The following WWOX variants were observed in gnomAD, a reference collection of about 807,000 sequenced individuals.
WWOX encodes WW domain containing oxidoreductase.
In WWOX, 69 loss-of-function variants were observed where a neutral mutation model predicts 46.2. That is an observed-to-expected ratio of 1.49 (90% CI 1.23 to 1.82). WWOX has a LOEUF of 1.82. Ranked by LOEUF, WWOX falls within the 40% of genes most tolerant of loss-of-function variation. The pLI is 0.00. For synonymous variants in WWOX, 359 were observed against 202.6 expected, an observed-to-expected ratio of 1.77 and a Z score of -6.56; for missense variants, 919 against 542.6, an observed-to-expected ratio of 1.69 and a Z score of -6.89.
intron 8 of WWOX, among the ~76,000 whole-genome samples, chr16:79,176,875 T>C (rs2050810310): frequency 6.6e-6 from 1 of 152,192 alleles, no homozygotes; most frequent in African/African-American, 2.4e-5. Flanking sequence ...CATCCATTTA[T>C]TTCCCCACTG....
At chr16:78,587,974 T>C (rs1445496637) in intron 8 of WWOX, among the ~76,000 whole-genome samples, 2 of 152,196 alleles carry the variant, frequency 1.3e-5, no homozygotes, top group African/African-American at 4.8e-5. Context: ...CTTCACCTGG[T>C]CTTTTGTAGT....
chr16:78,593,805 G>C (rs1277066537), intron 8 of WWOX, among the ~76,000 whole-genome samples: 2 of 152,094 alleles, frequency 1.3e-5, no homozygotes, highest in Non-Finnish European at 2.9e-5. Context: ...AACAAAGATA[G>C]AGCTAGCATG....
chr16:78,754,591 C>T (rs1448981158), intron 8 of WWOX, among the ~76,000 whole-genome samples: 1 of 151,976 alleles, frequency 6.6e-6, no homozygotes, highest in Non-Finnish European at 1.5e-5. Context: ...ATTTATCAAC[C>T]AGTTGCAGTC....
chr16:78,441,953 C>A (rs192459590), intron 8 of WWOX, among the ~76,000 whole-genome samples: 3 of 143,004 alleles, frequency 2.1e-5, no homozygotes, highest in Non-Finnish European at 4.5e-5. Context: ...TTCATATATG[C>A]GCATGAGTGT....
Position 78,423,130 on chromosome 16 carries a change from C to T in WWOX, c.606-1740C>T, listed in dbSNP as rs2082991120. On this transcript the variant is annotated intron_variant, in intron 6 of 8. Coordinates refer to ENST00000566780, the MANE Select transcript of WWOX (RefSeq NM_016373.4). ...TTGAACTTCTGACCTCGTGATTTGC[C>T]TGCCTCAGCCTCCCAAAGTGCTGAG... 2.0e-5 allele frequency among the ~76,000 whole-genome samples: 3 copies of T among 152,206 alleles called. No homozygotes were observed. The South Asian group carries it at 6.2e-4, about 32-fold the overall frequency.
chr16:79,169,431 A>C (rs548408550), intron 8 of WWOX, among the ~76,000 whole-genome samples: 102 of 152,334 alleles, frequency 6.7e-4, no homozygotes, highest in African/African-American at 2.4e-3. Context: ...GCTTCCCTGC[A>C]GCTGCAGAGG....
At chr16:78,721,215 T>C (rs1277707760) in intron 8 of WWOX, among the ~76,000 whole-genome samples, 3 of 150,774 alleles carry the variant, frequency 2.0e-5, no homozygotes, top group African/African-American at 7.4e-5. Context: ...TTCTACAGTA[T>C]CTTTAATTGA....
intron 5 of WWOX, among the ~76,000 whole-genome samples, chr16:78,384,310 G>C (rs773075431): frequency 2.2e-4 from 33 of 152,270 alleles, no homozygotes; most frequent in Non-Finnish European, 4.4e-4. Context: ...AAACGAGGCA[G>C]GGACCAGAGG....
chr16:78,692,778 G>C (rs960258966), intron 8 of WWOX, among the ~76,000 whole-genome samples: 29 of 152,180 alleles, frequency 1.9e-4, no homozygotes, highest in Non-Finnish European at 4.3e-4. Context: ...TTCCCTGTTG[G>C]GGGTACTGAT....
At chr16:78,153,779 A>G (rs1424955815) in intron 4 of WWOX, among the ~76,000 whole-genome samples, 2 of 152,240 alleles carry the variant, frequency 1.3e-5, no homozygotes, top group African/African-American at 4.8e-5. Flanking sequence ...AATGATAATT[A>G]AAACCATAAT....
chr16:78,943,060 T>A (rs2151294073), intron 8 of WWOX, among the ~76,000 whole-genome samples: 1 of 152,292 alleles, frequency 6.6e-6, no homozygotes, highest in East Asian at 1.9e-4. Flanking sequence ...CCTGTTTTGT[T>A]AAATAAGGGC....
intron 8 of WWOX, among the ~76,000 whole-genome samples, chr16:78,903,697 A>C (rs1278134112): frequency 1.3e-5 from 2 of 152,128 alleles, no homozygotes; most frequent in East Asian, 3.9e-4. Context: ...AAGCACCTGG[A>C]CACTTCGCTC....
chr16:78,802,432 C>T (rs77594367), intron 8 of WWOX, among the ~76,000 whole-genome samples: 19,452 of 151,896 alleles, frequency 0.13, 1,567 homozygotes, highest in Non-Finnish European at 0.18. Context: ...TTTAAATAAA[C>T]AGTTGTTTAT....
chr16:78,989,697 C>T lies in WWOX; in HGVS notation c.1057-221911C>T, dbSNP rs925161252. 4.0e-5 allele frequency among the ~76,000 whole-genome samples: 6 copies of T among 151,766 alleles called. No homozygotes were observed. In the South Asian group the frequency reaches 6.3e-4, roughly 16 times the overall value. On this transcript the variant is annotated intron_variant, in intron 8 of 8. Transcript: ENST00000566780. ...TTAGGGAGCAGAGAGCATGAGTAAG[C>T]CAGAAGCAGAGCAGGAGAGAGAATG...
chr16:78,221,191 CTG>C (rs1284816777), intron 5 of WWOX, among the ~76,000 whole-genome samples: 3 of 152,108 alleles, frequency 2.0e-5, no homozygotes, highest in Non-Finnish European at 4.4e-5. Context: ...CTAATGTCCT[CTG>C]TATTAATTCA....
At chr16:78,794,268 T>G (rs1199912185) in intron 8 of WWOX, among the ~76,000 whole-genome samples, 2 of 152,172 alleles carry the variant, frequency 1.3e-5, no homozygotes, top group Admixed American at 1.3e-4. Context: ...TGCTGCTTCC[T>G]TGATCTTGGA....
chr16:78,349,692 G>C lies in WWOX; in HGVS notation c.517-37168G>C, dbSNP rs12935416. 1.7e-5 allele frequency among the ~76,000 whole-genome samples: 2 copies of C among 117,362 alleles called. 1 individual carries two copies. The highest frequency in any genetic ancestry group is 1.7e-4 in the Admixed American group (2 of 12,092). The allele number at this position is 117,362 out of a possible 152,430, so 77.0% of individuals were successfully genotyped here. A position where few individuals can be genotyped will look rare whatever the true frequency, so the allele number is the denominator to read the frequency against. ...TCCTTCCCAGACGTTTCATCAGCCA[G>C]GTGAAATTTGCAATTGTTTCAGTGA... On this transcript the variant is annotated intron_variant, in intron 5 of 8. Coordinates refer to ENST00000566780, the MANE Select transcript of WWOX (RefSeq NM_016373.4).
At chr16:78,689,295 G>A (rs972502373) in intron 8 of WWOX, among the ~76,000 whole-genome samples, 6 of 152,174 alleles carry the variant, frequency 3.9e-5, no homozygotes, top group Admixed American at 2.6e-4. Context: ...CTGTCTGCAC[G>A]CCTTGTATTT....
At chr16:79,126,279 A>T (rs1304934769) in intron 8 of WWOX, among the ~76,000 whole-genome samples, 1 of 152,158 alleles carries the variant, frequency 6.6e-6, no homozygotes, top group Non-Finnish European at 1.5e-5. Context: ...CACCTAGTCA[A>T]CATGAGTGAT....
Sources: allele counts gnomAD v4.1 joint callset (sites outside exome capture counted in the v4.1 genomes callset), GRCh38; gene constraint gnomAD v4.1.1; transcripts MANE v1.5; gene names NCBI Gene and HGNC (gene_info 2026-07-23, HGNC 2026-07-21).